The following TAAR9 variants were observed in gnomAD, a reference collection of about 807,000 sequenced individuals.
TAAR9 encodes the protein trace amine-associated receptor 9.
For missense variants in TAAR9, 453 were observed against 409.4 expected (o/e 1.11, Z -0.92); for synonymous variants, 162 against 152.6 (o/e 1.06, Z -0.45).
In TAAR9 at chr6:132,538,373, G is replaced by A. The variant is rs370164196; in HGVS notation, c.84G>A (p.Ser28=). 1.6e-4 allele frequency: 258 copies of A among 1,613,544 alleles called. 1 individual carries two copies. Among genetic ancestry groups the A allele is most frequent in the Non-Finnish European group, 2.1e-4 (247 of 1,179,720 alleles). The stretch of plus-strand genomic sequence containing the variant: ...AATCCTGCATTAAAACTCCTTACTC[G>A]CCAGGTCCTCGATCTATCCTCTACG... The change falls in exon 1 of 1, where the codon TCG becomes TCA. Residue 28 remains serine (S), a synonymous_variant. Coordinates refer to ENST00000434551, the Ensembl canonical transcript of TAAR9.
exon 1 of TAAR9, chr6:132,539,211 C>T: frequency 6.2e-7 from 1 of 1,609,776 alleles, no homozygotes; most frequent in South Asian, 1.1e-5. Context: ...AGCTATGAAC[C>T]CCTTGATTTA....
At chr6:132,538,721 T>G (rs772265785) in exon 1 of TAAR9, 12 of 1,613,792 alleles carry the variant, frequency 7.4e-6, no homozygotes, top group Non-Finnish European at 1.0e-5. Flanking sequence ...CAACCAAGTT[T>G]ACTGTGTCAG....
Position 132,538,613 on chromosome 6 carries a change from T to C in TAAR9, c.324T>C (p.His108=), listed in dbSNP as rs763077090. ...TTGGGGACAGTTACTGTAAATTCCATACATGTTTTGACACATCCTTCTGTT... is the reference window on the plus strand; with the variant it reads ...TTGGGGACAGTTACTGTAAATTCCACACATGTTTTGACACATCCTTCTGTT... Residue 108 remains histidine (H), a synonymous_variant, in exon 1 of 1, where the codon CAT becomes CAC. Coordinates refer to ENST00000434551, the Ensembl canonical transcript of TAAR9. The C allele has an allele frequency of 2.5e-6, 4 of 1,590,034 alleles. No individual in the cohort carries two copies. In the African/African-American group the frequency reaches 5.4e-5, roughly 21 times the overall value.
At chr6:132,539,269 G>A (rs1776262166) in exon 1 of TAAR9, 2 of 1,613,078 alleles carry the variant, frequency 1.2e-6, no homozygotes, top group East Asian at 2.2e-5. Flanking sequence ...CTTATTGTAA[G>A]CGGCAAGGTC....
At position 132,538,855 on chromosome 6, in the gene TAAR9, G is replaced by T. The variant is rs201295711; in HGVS notation, c.566G>T (p.Gly189Val). 3.5e-5 allele frequency: 56 copies of T among 1,613,116 alleles called. No individual in the cohort carries two copies. The African/African-American group carries it at 6.8e-4, about 20-fold the overall frequency. The change falls in exon 1 of 1, where the codon GGC becomes GTC. Residue 189 changes from glycine to valine, a missense_variant. By Grantham distance (109) the Gly-to-Val change is moderately radical. Coordinates refer to ENST00000434551, the Ensembl canonical transcript of TAAR9. The stretch of plus-strand genomic sequence containing the variant: ...GTAGTTGCTCTAACCTGTGTAGGAG[G>T]CTGCCAGGCTCCACTGAATCAAAAC...
At chr6:132,538,736 A>G (rs1435047505) in exon 1 of TAAR9, 13 of 1,613,656 alleles carry the variant, frequency 8.1e-6, no homozygotes, top group Non-Finnish European at 1.1e-5. Flanking sequence ...TGTCAGTTTC[A>G]GGGATATGCA....
exon 1 of TAAR9, chr6:132,538,882 G>C: frequency 6.2e-7 from 1 of 1,611,684 alleles, no homozygotes; most frequent in South Asian, 1.1e-5. Context: ...AATCAAAACT[G>C]GGTCCTACTT....
exon 1 of TAAR9, chr6:132,538,716 A>C: frequency 6.2e-7 from 1 of 1,613,770 alleles, no homozygotes; most frequent in Non-Finnish European, 8.5e-7. Context: ...CTATCCAACC[A>C]AGTTTACTGT....
At chr6:132,538,288 C>T, upstream of TAAR9, 2 of 1,567,168 alleles carry the variant, frequency 1.3e-6, no homozygotes, top group Non-Finnish European at 8.6e-7. Flanking sequence ...AACAAGAAAG[C>T]AATGGTGAAC....
In TAAR9 at chr6:132,538,671, GTTGATAGA is replaced by G; in HGVS notation, c.384_391del (p.Asp129HisfsTer5). On this transcript the variant is annotated frameshift_variant, in exon 1 of 1. Transcript: ENST00000434551. LOFTEE classifies it low-confidence loss of function (END_TRUNC). The stretch of plus-strand genomic sequence containing the variant: ...TTTATTTCATTTATGCTGTATCTCT[GTTGATAGA>G]TACATTGCTGTTACTGATCCTCTGA... 1 of 1,610,880 alleles carries G rather than the reference GTTGATAGA, an allele frequency of 6.2e-7. No individual in the cohort carries two copies. The highest frequency in any genetic ancestry group is 1.1e-5 in the South Asian group (1 of 90,522).
At chr6:132,538,569 G>A (rs561599957) in exon 1 of TAAR9, 3 of 1,596,952 alleles carry the variant, frequency 1.9e-6, no homozygotes, top group Non-Finnish European at 2.6e-6. Flanking sequence ...AGTGAGGTCT[G>A]TGGAGAGCTG....
chr6:132,538,742 A>T, exon 1 of TAAR9: 2 of 1,613,838 alleles, frequency 1.2e-6, no homozygotes, highest in Non-Finnish European at 8.5e-7. Flanking sequence ...TTTCAGGGAT[A>T]TGCATTGTTC....
exon 1 of TAAR9, chr6:132,539,128 T>C (rs1262647893): frequency 1.9e-6 from 3 of 1,569,256 alleles, no homozygotes; most frequent in South Asian, 1.2e-5. Context: ...GATGCAGTGA[T>C]TGATGCTTAT....
exon 1 of TAAR9, chr6:132,538,767 T>G: frequency 6.2e-7 from 1 of 1,613,812 alleles, no homozygotes; most frequent in East Asian, 2.2e-5. Context: ...CTGGTTCTTT[T>G]CTGTCACATA....
chr6:132,539,188 T>C, exon 1 of TAAR9: 2 of 1,596,944 alleles, frequency 1.3e-6, no homozygotes, highest in Non-Finnish European at 8.5e-7. Context: ...GTTTGGTGTG[T>C]TTATTATAAT....
exon 1 of TAAR9, chr6:132,538,835 T>C (rs1776256343): frequency 1.7e-5 from 27 of 1,613,888 alleles, no homozygotes; most frequent in Non-Finnish European, 2.3e-5. Context: ...AATTAGTAGT[T>C]GCTCTAACCT....
chr6:132,539,274 A>G, exon 1 of TAAR9: 2 of 1,613,002 alleles, frequency 1.2e-6, no homozygotes. Flanking sequence ...TGTAAGCGGC[A>G]AGGTCTTAAG....
chr6:132,539,004 C>T lies in TAAR9; in HGVS notation c.715C>T (p.Gln239Ter), dbSNP rs748337938. ...GATAGAAAGTACAGCCAGCCAAGCTCAGTCCTCCTCAGAGAGTTACAAGGA... is the reference window on the plus strand; with the variant it reads ...GATAGAAAGTACAGCCAGCCAAGCTTAGTCCTCCTCAGAGAGTTACAAGGA... The change falls in exon 1 of 1, where the codon CAG (glutamine) becomes TAG (stop). Residue 239 changes from glutamine to a stop codon, truncating the protein, a stop_gained. Coordinates refer to ENST00000434551, the Ensembl canonical transcript of TAAR9. LOFTEE classifies it low-confidence loss of function (END_TRUNC). 36 of 1,530,780 alleles carry T rather than the reference C, an allele frequency of 2.4e-5. No individual in the cohort carries two copies. The highest frequency in any genetic ancestry group is 2.6e-5 in the Non-Finnish European group (30 of 1,144,096). 94.8% of individuals were successfully genotyped at this position (1,530,780 alleles called of 1,614,324 possible).
chr6:132,538,680 T>C, exon 1 of TAAR9: 1 of 1,612,730 alleles, frequency 6.2e-7, no homozygotes, highest in Non-Finnish European at 8.5e-7. Context: ...TGTTGATAGA[T>C]ACATTGCTGT....
Sources: gnomAD v4.1 joint callset for allele counts on GRCh38, gnomAD v4.1.1 for gene constraint, MANE v1.5 for transcripts, NCBI Gene and HGNC (gene_info 2026-07-23, HGNC 2026-07-21) for gene names.